Variants in TACR3 observed in about 807,000 individuals in gnomAD.
TACR3 encodes neuromedin-K receptor.
In TACR3, 34 loss-of-function variants were observed where a neutral mutation model predicts 35.0. The ratio of observed to expected loss-of-function variants is 0.97; its 90% CI spans 0.74 to 1.30. TACR3 has a LOEUF of 1.30. Ranked by LOEUF, TACR3 falls within the 50% of genes most tolerant of loss-of-function variation. The pLI, the probability that TACR3 is intolerant of heterozygous loss-of-function variation, is 0.00. For missense variants in TACR3, 558 were observed against 591.7 expected (o/e 0.94, Z 0.59); for synonymous variants, 233 against 221.1 (o/e 1.05, Z -0.48).
intron 3 of TACR3, among the ~76,000 whole-genome samples, chr4:103,626,242 T>C (rs1022225675): frequency 3.3e-5 from 5 of 152,186 alleles, no homozygotes; most frequent in Non-Finnish European, 7.3e-5. Context: ...GTCATATACA[T>C]GTGTAATTTA....
rs1723810159 is a variant in TACR3, at chr4:103,588,049, T to C, written c.*1633A>G. 1.3e-5 allele frequency: 2 copies of C among 151,924 alleles called. No individual in the cohort carries two copies. The highest frequency in any genetic ancestry group is 4.8e-5 in the African/African-American group (2 of 41,374). The allele number at this position is 151,924 out of a possible 1,614,324, so 9.4% of individuals were successfully genotyped here. A position where few individuals can be genotyped will look rare whatever the true frequency, so the allele number is the denominator to read the frequency against. ...AGAAGAAATTCAGCTGGAACACATA[T>C]GTTTAGCTTGTTTAGACTCCGAACT... is the stretch of plus-strand genomic sequence containing the variant. On this transcript the variant is annotated 3_prime_UTR_variant, in exon 5 of 5. Transcript: ENST00000304883.
At chr4:103,622,370 C>T (rs1296303211) in intron 3 of TACR3, among the ~76,000 whole-genome samples, 1 of 152,140 alleles carries the variant, frequency 6.6e-6, no homozygotes, top group Non-Finnish European at 1.5e-5. Flanking sequence ...CGGAGGACTA[C>T]TCTTGAGAAG....
chr4:103,656,339 T>G lies in TACR3; in HGVS notation c.743A>C (p.His248Pro), dbSNP rs1374236686. ...PEGPKQHFTY[H>P]IIVIILVYCF... ...GTACACCAGTATAATGACGATAATA[T>G]GGTAACTATGAAAAATAAGAAAAAC... is the stretch of plus-strand genomic sequence containing the variant. The change falls in exon 3 of 5, where the codon CAT (histidine) becomes CCT (proline). Residue 248 changes from histidine to proline, a missense_variant. By Grantham distance (77) the His-to-Pro change is moderately conservative. Coordinates refer to ENST00000304883, the MANE Select transcript of TACR3 (RefSeq NM_001059.3). 3 of 1,612,234 alleles carry G rather than the reference T, an allele frequency of 1.9e-6. No individual in the cohort carries two copies. The highest frequency in any genetic ancestry group is 2.2e-5 in the East Asian group (1 of 44,764).
chr4:103,686,391 A>G (rs1722240381), intron 1 of TACR3, among the ~76,000 whole-genome samples: 1 of 152,174 alleles, frequency 6.6e-6, no homozygotes, highest in African/African-American at 2.4e-5. Flanking sequence ...GCTGACTCAG[A>G]GATAAACCTT....
chr4:103,620,220 G>A (rs185987685), intron 3 of TACR3, among the ~76,000 whole-genome samples: 17 of 152,260 alleles, frequency 1.1e-4, no homozygotes, highest in Admixed American at 3.9e-4. Flanking sequence ...AGTCAGAATG[G>A]CTTTTATTAA....
At chr4:103,704,105 CAAAAAAAAAA>C (rs59034473) in intron 1 of TACR3, among the ~76,000 whole-genome samples, 1 of 64,612 alleles carries the variant, frequency 1.5e-5, no homozygotes, top group Admixed American at 2.8e-4. Context: ...CTCTATCTCA[CAAAAAAAAAA>C]AAAAAAAAAA....
At chr4:103,670,499 G>A (rs1489655095) in intron 1 of TACR3, among the ~76,000 whole-genome samples, 2 of 151,764 alleles carry the variant, frequency 1.3e-5, no homozygotes, top group African/African-American at 2.4e-5. Flanking sequence ...GTCCTCTTCA[G>A]TTTCTTTCAT....
chr4:103,607,759 CA>C (rs1007968670), intron 3 of TACR3, among the ~76,000 whole-genome samples: 1 of 151,968 alleles, frequency 6.6e-6, no homozygotes, highest in Non-Finnish European at 1.5e-5. Flanking sequence ...GATTAAGCCC[CA>C]AATAAGTCAG....
intron 1 of TACR3, among the ~76,000 whole-genome samples, chr4:103,662,290 G>A (rs534742135): frequency 2.1e-5 from 3 of 143,930 alleles, no homozygotes; most frequent in South Asian, 2.3e-4. Context: ...GCACGATCTT[G>A]GCTCACTGCA....
At chr4:103,622,355 A>G (rs929970551) in intron 3 of TACR3, among the ~76,000 whole-genome samples, 3 of 152,224 alleles carry the variant, frequency 2.0e-5, no homozygotes, top group Non-Finnish European at 4.4e-5. Context: ...AGATGGTTTC[A>G]TTGACGGAGG....
At chr4:103,692,676 C>T (rs1722431989) in intron 1 of TACR3, among the ~76,000 whole-genome samples, 1 of 152,100 alleles carries the variant, frequency 6.6e-6, no homozygotes, top group Non-Finnish European at 1.5e-5. Flanking sequence ...TTTCCTTAAA[C>T]ATTAACAAAT....
intron 1 of TACR3, among the ~76,000 whole-genome samples, chr4:103,668,008 T>C (rs60760914): frequency 0.15 from 23,328 of 152,034 alleles, 2,333 homozygotes; most frequent in East Asian, 0.43. Flanking sequence ...TTTATATTTT[T>C]AGTAGAGATA....
Position 103,659,683 on chromosome 4 carries a change from T to C in TACR3, c.549-1280A>G, listed in dbSNP as rs974870081. The stretch of plus-strand genomic sequence containing the variant: ...AATATATTTGAGTCTCTAAAAAGTA[T>C]ACTTAAAGCATACTTAAATATGACT... On this transcript the variant is annotated intron_variant, in intron 1 of 4. Transcript: ENST00000304883. 1.8e-4 allele frequency among the ~76,000 whole-genome samples: 28 copies of C among 152,156 alleles called. 1 individual carries two copies. Among genetic ancestry groups the C allele is most frequent in the Non-Finnish European group, 2.9e-5 (2 of 68,016 alleles).
intron 3 of TACR3, among the ~76,000 whole-genome samples, chr4:103,596,758 C>T (rs993583921): frequency 2.6e-5 from 4 of 151,940 alleles, no homozygotes; most frequent in Admixed American, 2.6e-4. Flanking sequence ...CCCCCGTCCC[C>T]CTACCCCACA....
At chr4:103,653,951 C>A (rs1000107521) in intron 3 of TACR3, among the ~76,000 whole-genome samples, 2 of 151,582 alleles carry the variant, frequency 1.3e-5, no homozygotes, top group African/African-American at 2.4e-5. Flanking sequence ...AAAAAATGCT[C>A]ATCATCACTG....
chr4:103,636,687 C>A (rs905579880), intron 3 of TACR3, among the ~76,000 whole-genome samples: 9 of 151,792 alleles, frequency 5.9e-5, no homozygotes, highest in Admixed American at 1.3e-4. Flanking sequence ...TGATAGACCG[C>A]TAGCAAGACT....
intron 3 of TACR3, among the ~76,000 whole-genome samples, chr4:103,601,362 A>G (rs1724197013): frequency 6.6e-6 from 1 of 152,134 alleles, no homozygotes; most frequent in African/African-American, 2.4e-5. Flanking sequence ...GAGTCTTTTA[A>G]TTGGAGAATT....
At chr4:103,599,841 G>A (rs1400738544) in intron 3 of TACR3, among the ~76,000 whole-genome samples, 2 of 152,098 alleles carry the variant, frequency 1.3e-5, no homozygotes, top group Non-Finnish European at 2.9e-5. Flanking sequence ...TTGATGTGCT[G>A]CTGGATTCGG....
chr4:103,600,424 T>C (rs1724167392), intron 3 of TACR3, among the ~76,000 whole-genome samples: 1 of 152,186 alleles, frequency 6.6e-6, no homozygotes, highest in African/African-American at 2.4e-5. Flanking sequence ...CTGGATTCAT[T>C]AATCTTTTGA....
Sources: allele counts gnomAD v4.1 joint callset (sites outside exome capture counted in the v4.1 genomes callset), GRCh38; gene constraint gnomAD v4.1.1; transcripts MANE v1.5; gene names NCBI Gene and HGNC (gene_info 2026-07-23, HGNC 2026-07-21).